Variants in TET3 observed in about 807,000 individuals in gnomAD.
TET3 encodes methylcytosine dioxygenase TET3.
A neutral mutation model predicts 141.4 loss-of-function variants in TET3; 19 were observed. The ratio of observed to expected loss-of-function variants is 0.13; its 90% CI spans 0.09 to 0.20. The LOEUF (loss-of-function observed/expected upper bound fraction) is 0.20. TET3 is among the 10% of genes least tolerant of loss of function. The probability of loss-of-function intolerance (pLI) is 1.00; values close to 1 mark genes in which losing one functional copy is unlikely to be tolerated. For synonymous variants in TET3, 1,043 were observed against 980.9 expected (o/e 1.06, Z -1.18); for missense variants, 1,874 against 2,356.9 (o/e 0.80, Z 4.24).
the TET3 span, among the ~76,000 whole-genome samples, chr2:74,129,056 TTGGGATTAGTGC>T: frequency 1.4e-5 from 2 of 147,824 alleles, no homozygotes; most frequent in Non-Finnish European, 3.0e-5. Flanking sequence ...TCCCAGCACT[TTGGGATTAGTGC>T]TGGGATTGAG....
chr2:73,999,610 G>T (rs1270878087), intron 2 of TET3, among the ~76,000 whole-genome samples: 1 of 150,986 alleles, frequency 6.6e-6, no homozygotes, highest in African/African-American at 2.4e-5. Context: ...CCAGTGGGGA[G>T]GGCTGTGGCT....
Position 74,026,268 on chromosome 2 carries a change from A to G in TET3, c.361-20010A>G, listed in dbSNP as rs180730315. ...CTCTCCCTGAGATCAGGGCTGAGGAACAGAGATCACTGCCTTGGGTAGGGC... is the reference window on the plus strand; with the variant it reads ...CTCTCCCTGAGATCAGGGCTGAGGAGCAGAGATCACTGCCTTGGGTAGGGC... On this transcript the variant is annotated intron_variant, in intron 3 of 11. Transcript: ENST00000409262. Among the ~76,000 whole-genome samples, 36 of 152,264 alleles carry G rather than the reference A, an allele frequency of 2.4e-4. No homozygotes were observed. In the East Asian group the frequency reaches 7.0e-3, roughly 29 times the overall value.
intron 6 of TET3, among the ~76,000 whole-genome samples, chr2:74,084,435 T>C (rs192447669): frequency 1.2e-3 from 182 of 151,050 alleles, no homozygotes; most frequent in African/African-American, 4.1e-3. Flanking sequence ...AAGACCAGCC[T>C]GGTAAGACCA....
intron 3 of TET3, among the ~76,000 whole-genome samples, chr2:74,024,157 A>G (rs1264426597): frequency 1.3e-5 from 2 of 152,170 alleles, no homozygotes; most frequent in Non-Finnish European, 2.9e-5. Context: ...TATTTAGGAG[A>G]CTTGCTTAGG....
At chr2:74,132,004 G>A in the TET3 span, among the ~76,000 whole-genome samples, 1 of 152,102 alleles carries the variant, frequency 6.6e-6, no homozygotes, top group African/African-American at 2.4e-5. Flanking sequence ...GTTGCGGGTG[G>A]GGTGAAGCAG....
At chr2:74,059,313 T>A (rs1465934986) in intron 4 of TET3, among the ~76,000 whole-genome samples, 1 of 152,258 alleles carries the variant, frequency 6.6e-6, no homozygotes, top group African/African-American at 2.4e-5. Flanking sequence ...AACATAGTGA[T>A]GCAATATCGG....
chr2:74,063,399 T>TC (rs1373282423), intron 4 of TET3, among the ~76,000 whole-genome samples: 1 of 152,178 alleles, frequency 6.6e-6, no homozygotes, highest in Non-Finnish European at 1.5e-5. Flanking sequence ...ATTATCCAGT[T>TC]CCCCATCAAT....
Position 74,100,390 on chromosome 2 carries a change from C to A in TET3, c.3605-3C>A. On this transcript the variant is annotated splice_polypyrimidine_tract_variant and splice_region_variant and intron_variant, in intron 11 of 11. Coordinates refer to ENST00000409262, the MANE Select transcript of TET3 (RefSeq NM_001287491.2). ...TCTGCCATCTTGCCTTCTGTTTCCC[C>A]AGGCCTGTCTCTGAAGGGTGGATTG... 1 of 1,557,468 alleles carries A rather than the reference C, an allele frequency of 6.4e-7. No homozygotes were observed.
chr2:74,075,214 G>A (rs1314208199), intron 5 of TET3, among the ~76,000 whole-genome samples: 4 of 151,514 alleles, frequency 2.6e-5, no homozygotes, highest in East Asian at 3.9e-4. Context: ...GTAGACATAA[G>A]CATATGCTTG....
chr2:74,089,876 G>T, intron 7 of TET3, 21 bp from the exon 8 acceptor site: 1 of 1,613,782 alleles, frequency 6.2e-7, no homozygotes, highest in South Asian at 1.1e-5. Context: ...CTATATCCCT[G>T]ACCTGTGCTG....
At chr2:74,003,272 TC>T in intron 3 of TET3, 106 bp downstream of exon 3, 1 of 1,412,344 alleles carries the variant, frequency 7.1e-7, no homozygotes, top group Non-Finnish European at 9.7e-7. Flanking sequence ...TCCCTTAATC[TC>T]CCACTGTGTG....
chr2:74,021,375 G>C (rs1237368412), intron 3 of TET3, among the ~76,000 whole-genome samples: 3 of 152,244 alleles, frequency 2.0e-5, no homozygotes, highest in Non-Finnish European at 2.9e-5. Context: ...GCTGCCTAGG[G>C]CTTTAGCCCA....
At chr2:74,056,906 G>A (rs6745792) in intron 4 of TET3, among the ~76,000 whole-genome samples, 60,075 of 152,058 alleles carry the variant, frequency 0.4, 15,013 homozygotes, top group African/African-American at 0.71. Context: ...GTTGGGAAAA[G>A]TAACAGAGGG....
chr2:74,099,607 AC>A lies in TET3; in HGVS notation c.3602del (p.Pro1201GlnfsTer5). On this transcript the variant is annotated frameshift_variant, in exon 11 of 12. Coordinates refer to ENST00000409262, the MANE Select transcript of TET3 (RefSeq NM_001287491.2). LOFTEE classifies it high-confidence loss of function. ...EALELAGITS[D>X]PGLSLKGGLS... is the part of the protein sequence containing the mutation. ...CTGGAGCTGGCGGGCATTACGTCGGACCCAGGTGTGTGGGGGGAGGGTGCCC... is the reference window on the plus strand; with the variant it reads ...CTGGAGCTGGCGGGCATTACGTCGGACCAGGTGTGTGGGGGGAGGGTGCCC... 1 of 1,566,910 alleles carries A rather than the reference AC, an allele frequency of 6.4e-7. No individual in the cohort carries two copies. Among genetic ancestry groups the A allele is most frequent in the Non-Finnish European group, 8.7e-7 (1 of 1,153,450 alleles).
rs1402080316 is a variant in TET3, at chr2:74,104,215, A to ATC, written c.*2040_*2041dup. Reference sequence around the variant, plus strand: ...GCCGAATATTTAATGTGCTTTGTCTATCCTCCACTTTTACCATATTCTGTA... The same window carrying ATC: ...GCCGAATATTTAATGTGCTTTGTCTATCTCCTCCACTTTTACCATATTCTGTA... On this transcript the variant is annotated 3_prime_UTR_variant, in exon 12 of 12. Coordinates refer to ENST00000409262, the MANE Select transcript of TET3 (RefSeq NM_001287491.2). 6.6e-6 allele frequency: 1 copy of ATC among 152,244 alleles called. No individual in the cohort carries two copies. The highest frequency in any genetic ancestry group is 1.5e-5 in the Non-Finnish European group (1 of 68,030). The allele number at this position is 152,244 out of a possible 1,614,324, so 9.4% of individuals were successfully genotyped here. A position where few individuals can be genotyped will look rare whatever the true frequency, so the allele number is the denominator to read the frequency against.
rs1420004000 is a variant in TET3 at position 74,047,915 on chromosome 2, A to C, written c.1998A>C (p.Leu666=). Residue 666 remains leucine, a synonymous_variant, in exon 4 of 12, where the codon CTA becomes CTC. Coordinates refer to ENST00000409262, the MANE Select transcript of TET3 (RefSeq NM_001287491.2). ...VPLPPEPSLA[L]FAPSPSRDSL... is the part of the protein sequence containing the mutation. ...TGCCCCCAGAACCTTCTCTTGCGCT[A>C]TTTGCACCTAGTCCCTCCAGGGACA... 4.3e-6 allele frequency: 7 copies of C among 1,612,766 alleles called. No individual in the cohort carries two copies. The highest frequency in any genetic ancestry group is 4.5e-5 in the East Asian group (2 of 44,830).
In TET3 at chr2:74,100,482, A is replaced by C. The variant is rs754132014; in HGVS notation, c.3694A>C (p.Ser1232Arg). The C allele has an allele frequency of 2.5e-6, 4 of 1,597,194 alleles. No individual in the cohort carries two copies. The African/African-American group carries it at 5.4e-5, about 21-fold the overall frequency. Reference sequence around the variant, plus strand: ...GAACCACTTCAGCTCCTTCAAGTACAGCGGCAACGCGGTGGTGGAGAGCTA... The same window carrying C: ...GAACCACTTCAGCTCCTTCAAGTACCGCGGCAACGCGGTGGTGGAGAGCTA... ...PQNHFSSFKY[S>R]GNAVVESYSV... The change falls in exon 12 of 12, where the codon AGC becomes CGC. Residue 1232 changes from serine to arginine, a missense_variant. Physicochemically the swap from Ser to Arg is moderately radical, Grantham distance 110. Around this residue, in one of 10 missense-constraint regions of TET3, gnomAD observed 602 missense variants for 590.2 expected, o/e 1.02. Transcript: ENST00000409262.
intron 5 of TET3, among the ~76,000 whole-genome samples, chr2:74,076,900 G>A (rs1015813331): frequency 5.3e-5 from 8 of 152,198 alleles, no homozygotes; most frequent in Admixed American, 3.9e-4. Context: ...AAAGATTTTG[G>A]AGAAAGGAGG....
chr2:74,016,528 C>T (rs1205980414), intron 3 of TET3, among the ~76,000 whole-genome samples: 1 of 152,002 alleles, frequency 6.6e-6, no homozygotes, highest in Non-Finnish European at 1.5e-5. Context: ...TCCAGACCAG[C>T]CTGGCCAACA....
Sources: allele counts gnomAD v4.1 joint callset (sites outside exome capture counted in the v4.1 genomes callset), GRCh38; gene constraint gnomAD v4.1.1; regional missense constraint gnomAD v4.1.1; transcripts MANE v1.5; gene names NCBI Gene and HGNC (gene_info 2026-07-23, HGNC 2026-07-21).